The following PHAX variants were observed in gnomAD, a reference collection of about 807,000 sequenced individuals.
The protein encoded by PHAX is phosphorylated adapter RNA export protein.
PHAX carries 31 observed loss-of-function variants against 41.6 expected under a neutral mutation model. The observed-to-expected ratio is 0.75, with a 90% CI of 0.56 to 1.01. The LOEUF is 1.01. PHAX is among the 50% of genes least tolerant of loss of function. PHAX has a pLI of 0.00. For missense variants in PHAX, 453 were observed against 472.9 expected, an observed-to-expected ratio of 0.96 and a Z score of 0.39; for synonymous variants, 175 against 164.9, an observed-to-expected ratio of 1.06 and a Z score of -0.47.
chr5:126,605,215 G>A (rs977954093), intron 2 of PHAX, among the ~76,000 whole-genome samples: 1 of 151,646 alleles, frequency 6.6e-6, no homozygotes, highest in Admixed American at 6.6e-5. Flanking sequence ...CTCAGCTGGA[G>A]TGCAGTAGCA....
intron 2 of PHAX, among the ~76,000 whole-genome samples, chr5:126,605,556 A>AT (rs397729528): frequency 0.27 from 39,419 of 147,350 alleles, 6,367 homozygotes; most frequent in African/African-American, 0.45. Flanking sequence ...CACCCAAATA[A>AT]TTTTTTTTTT....
chr5:126,619,832 T>C (rs1401803674), intron 4 of PHAX, among the ~76,000 whole-genome samples: 2 of 152,228 alleles, frequency 1.3e-5, no homozygotes, highest in African/African-American at 4.8e-5. Flanking sequence ...GAGAACATGA[T>C]TTGCACTTAG....
chr5:126,610,318 G>C (rs1040813955), intron 3 of PHAX, among the ~76,000 whole-genome samples: 3 of 152,188 alleles, frequency 2.0e-5, no homozygotes, highest in African/African-American at 7.2e-5. Context: ...ACAGGGTGAG[G>C]ATGAAGGTTT....
intron 3 of PHAX, among the ~76,000 whole-genome samples, chr5:126,616,293 A>G (rs1409202353): frequency 1.3e-5 from 2 of 152,210 alleles, no homozygotes; most frequent in South Asian, 4.1e-4. Flanking sequence ...GGGTTTCACC[A>G]TGTTGTTGAC....
intron 2 of PHAX, among the ~76,000 whole-genome samples, chr5:126,605,269 C>T (rs1275197781): frequency 2.6e-5 from 4 of 152,022 alleles, no homozygotes; most frequent in Non-Finnish European, 5.9e-5. Flanking sequence ...TTAAGCAATC[C>T]TCCTGCCTCA....
chr5:126,617,209 G>A (rs756656253), intron 3 of PHAX, 41 bp from the exon 4 acceptor site: 2 of 1,263,416 alleles, frequency 1.6e-6, no homozygotes, highest in East Asian at 4.7e-5. Context: ...CCATTTATGG[G>A]AAGAGTATAT....
At chr5:126,610,399 T>C (rs1004864482) in intron 3 of PHAX, among the ~76,000 whole-genome samples, 1 of 152,206 alleles carries the variant, frequency 6.6e-6, no homozygotes, top group Non-Finnish European at 1.5e-5. Flanking sequence ...AGTAGATCAA[T>C]ATTGTGCTTT....
intron 3 of PHAX, among the ~76,000 whole-genome samples, chr5:126,616,095 CA>C (rs35851157): frequency 8.3e-4 from 103 of 124,470 alleles, no homozygotes; most frequent in Non-Finnish European, 9.9e-4. Context: ...GACTTTGTCT[CA>C]AAAAAAAAAA....
At position 126,624,899 on chromosome 5, in the gene PHAX, C is replaced by T; in HGVS notation, c.*55C>T. The T allele has an allele frequency of 6.7e-7, 1 of 1,485,462 alleles. No homozygotes were observed. The highest frequency in any genetic ancestry group is 9.1e-7 in the Non-Finnish European group (1 of 1,100,578). The allele number at this position is 1,485,462 out of a possible 1,614,324, so 92.0% of individuals were successfully genotyped here. ...CTTTCTAAAATAACATTGTAATAAACCATTTTTACTGAGATTGCAACGTTT... is the reference window on the plus strand; with the variant it reads ...CTTTCTAAAATAACATTGTAATAAATCATTTTTACTGAGATTGCAACGTTT... On this transcript the variant is annotated 3_prime_UTR_variant, in exon 5 of 5. Coordinates refer to ENST00000297540, the MANE Select transcript of PHAX (RefSeq NM_032177.4).
At chr5:126,612,957 A>G (rs888407554) in intron 3 of PHAX, among the ~76,000 whole-genome samples, 6 of 152,202 alleles carry the variant, frequency 3.9e-5, no homozygotes, top group Admixed American at 3.9e-4. Context: ...TTTGAAGAGC[A>G]ATATCCAAAA....
intron 3 of PHAX, among the ~76,000 whole-genome samples, chr5:126,610,770 G>T (rs1023593873): frequency 6.6e-6 from 1 of 151,074 alleles, no homozygotes; most frequent in African/African-American, 2.4e-5. Context: ...ACAGTGGCGC[G>T]ATCTCAGCTC....
At chr5:126,620,537 A>T (rs1752253059) in intron 4 of PHAX, among the ~76,000 whole-genome samples, 2 of 152,000 alleles carry the variant, frequency 1.3e-5, no homozygotes, top group African/African-American at 4.8e-5. Context: ...CACACAGACC[A>T]CTCTGACTCC....
rs761125079 is a variant in PHAX, at chr5:126,609,095, A to ATTTTTTTTTTTTT, written c.831+622_831+634dup. 4.9e-3 allele frequency among the ~76,000 whole-genome samples: 492 copies of ATTTTTTTTTTTTT among 101,198 alleles called. 71 individuals carry two copies. Among genetic ancestry groups the ATTTTTTTTTTTTT allele is most frequent in the African/African-American group, 0.019 (405 of 20,978 alleles). The allele number at this position is 101,198 out of a possible 152,430, so 66.4% of individuals were successfully genotyped here. ...ATGATTTGTTAAAGGTAGGGGTTGA[A>ATTTTTTTTTTTTT]TTTTTTTTTTTTTTTTTTTTTTTGA... On this transcript the variant is annotated intron_variant, in intron 3 of 4. Coordinates refer to ENST00000297540, the MANE Select transcript of PHAX (RefSeq NM_032177.4).
rs1752344437 is a variant in PHAX, at chr5:126,626,052, A to G, written c.*1208A>G. Reference sequence around the variant, plus strand: ...TTCTTAATTAACTTGGTCATATACTAAATGTGATCTCCTGTGGATTACCAC... The same window carrying G: ...TTCTTAATTAACTTGGTCATATACTGAATGTGATCTCCTGTGGATTACCAC... On this transcript the variant is annotated 3_prime_UTR_variant, in exon 5 of 5. Transcript: ENST00000297540. 1 of 152,176 alleles carries G rather than the reference A, an allele frequency of 6.6e-6. No homozygotes were observed. The highest frequency in any genetic ancestry group is 2.4e-5 in the African/African-American group (1 of 41,446). 9.4% of individuals were successfully genotyped at this position (152,176 alleles called of 1,614,324 possible). A position where few individuals can be genotyped will look rare whatever the true frequency, so the allele number is the denominator to read the frequency against.
In PHAX at chr5:126,608,395, C is replaced by A. The variant is rs922883817; in HGVS notation, c.742C>A (p.Arg248=). Residue 248 remains arginine, a synonymous_variant, in exon 3 of 5, where the codon CGA becomes AGA. Coordinates refer to ENST00000297540, the MANE Select transcript of PHAX (RefSeq NM_032177.4). ...GGAACCAAAGAAAGACCTGATAGCCCGAGTAGTGAGGATTATTGGTAACAA... is the reference window on the plus strand; with the variant it reads ...GGAACCAAAGAAAGACCTGATAGCCAGAGTAGTGAGGATTATTGGTAACAA... ...LQEPKKDLIA[R]VVRIIGNKKA... is the part of the protein sequence containing the mutation. 6.2e-7 allele frequency: 1 copy of A among 1,613,300 alleles called. No homozygotes were observed. The highest frequency in any genetic ancestry group is 2.2e-5 in the East Asian group (1 of 44,848).
chr5:126,624,948 G>A lies in PHAX; in HGVS notation c.*104G>A, dbSNP rs1752326472. ...TTTGCACTGATAAACATGAGAATCT[G>A]GAGGAAAGACAATTGTTTTCTTGTT... On this transcript the variant is annotated 3_prime_UTR_variant, in exon 5 of 5. Coordinates refer to ENST00000297540, the MANE Select transcript of PHAX (RefSeq NM_032177.4). 1 of 991,686 alleles carries A rather than the reference G, an allele frequency of 1.0e-6. No individual in the cohort carries two copies. The highest frequency in any genetic ancestry group is 1.5e-6 in the Non-Finnish European group (1 of 675,588). 61.4% of individuals were successfully genotyped at this position (991,686 alleles called of 1,614,324 possible). A position where few individuals can be genotyped will look rare whatever the true frequency, so the allele number is the denominator to read the frequency against.
chr5:126,607,604 C>T (rs772132823), intron 2 of PHAX, among the ~76,000 whole-genome samples: 1 of 151,894 alleles, frequency 6.6e-6, no homozygotes, highest in African/African-American at 2.4e-5. Flanking sequence ...GGTTTCTCCA[C>T]GTTAGTCAGA....
Position 126,615,296 on chromosome 5 carries a change from C to T in PHAX, c.832-1954C>T, listed in dbSNP as rs377732571. 6.6e-5 allele frequency among the ~76,000 whole-genome samples: 10 copies of T among 152,158 alleles called. No homozygotes were observed. In the South Asian group the frequency reaches 1.9e-3, roughly 28 times the overall value. On this transcript the variant is annotated intron_variant, in intron 3 of 4. Transcript: ENST00000297540. ...GATTTTATATTTTCAAATTTGCCTA[C>T]CTGGTAAAAGTTATTCATAACCTCA...
chr5:126,601,423 A>G (rs1751901746), intron 1 of PHAX, among the ~76,000 whole-genome samples: 1 of 152,016 alleles, frequency 6.6e-6, no homozygotes, highest in African/African-American at 2.4e-5. Context: ...TTCTTTTCTA[A>G]ACTTGGGGCT....
Sources: allele counts gnomAD v4.1 joint callset (sites outside exome capture counted in the v4.1 genomes callset), GRCh38; gene constraint gnomAD v4.1.1; transcripts MANE v1.5; gene names NCBI Gene and HGNC (gene_info 2026-07-23, HGNC 2026-07-21).